The following PDCD2 variants were observed in gnomAD, a reference collection of about 807,000 sequenced individuals.
PDCD2 encodes the protein programmed cell death 2, also known as uS5 assembly chaperone PDCD2.
In PDCD2, 38 loss-of-function variants were observed where a neutral mutation model predicts 38.1. That is an observed-to-expected ratio of 1.00 (90% CI 0.77 to 1.31). The LOEUF is 1.31. PDCD2 is among the 50% of genes most tolerant of loss of function. The pLI is 0.00. For missense variants in PDCD2, 473 were observed against 435.7 expected, an observed-to-expected ratio of 1.09 and a Z score of -0.76; for synonymous variants, 205 against 168.9, an observed-to-expected ratio of 1.21 and a Z score of -1.66.
At position 170,583,634 on chromosome 6, in the gene PDCD2, G is replaced by C; in HGVS notation, c.397C>G (p.His133Asp). The C allele has an allele frequency of 6.2e-7, 1 of 1,614,074 alleles. No homozygotes were observed. The highest frequency in any genetic ancestry group is 8.5e-7 in the Non-Finnish European group (1 of 1,179,974). ...SVCLQLKSGA[H>D]LCRVCGCLGP... ...AAACAGCCACAAACCCTGCAGAGAT[G>C]AGCACCAGACTTAAGCTGGAGACAC... The change falls in exon 2 of 6, where the codon CAT becomes GAT. Residue 133 changes from histidine to aspartate, a missense_variant. Transcript: ENST00000541970.
chr6:170,579,126 G>C, intron 4 of PDCD2, 156 bp from the exon 5 acceptor site: 1 of 572,180 alleles, frequency 1.7e-6, no homozygotes, highest in South Asian at 2.4e-5. Flanking sequence ...CTGTACCAGT[G>C]TGCCACTAAT....
chr6:170,582,760 C>G (rs530253401), intron 3 of PDCD2: 3 of 1,272,136 alleles, frequency 2.4e-6, no homozygotes, highest in South Asian at 4.3e-5. Context: ...TATCCCGACC[C>G]GAGAAACCGA....
Position 170,580,046 on chromosome 6 carries a change from T to C in PDCD2, c.718A>G (p.Ile240Val), listed in dbSNP as rs1779551490. ...ATCTGAGTTTTAAACTTCTGAAAAATTTTATCTTCCCTGGATTCATGTTTT... is the reference window on the plus strand; with the variant it reads ...ATCTGAGTTTTAAACTTCTGAAAAACTTTATCTTCCCTGGATTCATGTTTT... ...MAKHESREDK[I>V]FQKFKTQIAL... is the part of the protein sequence containing the mutation. The change falls in exon 4 of 6, where the codon ATT (isoleucine) becomes GTT (valine). Residue 240 changes from isoleucine (I) to valine (V), a missense_variant. Physicochemically the swap from Ile to Val is conservative, Grantham distance 29. Transcript: ENST00000541970. The C allele has an allele frequency of 6.2e-7, 1 of 1,612,228 alleles. No individual in the cohort carries two copies. The highest frequency in any genetic ancestry group is 8.5e-7 in the Non-Finnish European group (1 of 1,178,516).
At position 170,580,622 on chromosome 6, in the gene PDCD2, GGA is replaced by G. The variant is rs1244690213; in HGVS notation, c.659-519_659-518del. 3.3e-5 allele frequency among the ~76,000 whole-genome samples: 5 copies of G among 152,306 alleles called. No homozygotes were observed. The East Asian group carries it at 9.7e-4, about 29-fold the overall frequency. Reference sequence around the variant, plus strand: ...CCCAGCTACTCGGGAGGCTGAGGCAGGAGAGTCACTTGAACCTGGGAGGCAGA... The same window carrying G: ...CCCAGCTACTCGGGAGGCTGAGGCAGGAGTCACTTGAACCTGGGAGGCAGA... On this transcript the variant is annotated intron_variant, in intron 3 of 5. Coordinates refer to ENST00000541970, the MANE Select transcript of PDCD2 (RefSeq NM_002598.4).
chr6:170,581,984 C>G lies in PDCD2; in HGVS notation c.658+1073G>C, dbSNP rs969323594. 3.5e-5 allele frequency: 26 copies of G among 750,702 alleles called. No individual in the cohort carries two copies. In the African/African-American group the frequency reaches 4.3e-4, roughly 12 times the overall value. 46.5% of individuals were successfully genotyped at this position (750,702 alleles called of 1,614,324 possible). Reference sequence around the variant, plus strand: ...AGTTCCACAGTCACATTTACACTAACAAGGCATATTTGAAGTCCAGCTTTC... The same window carrying G: ...AGTTCCACAGTCACATTTACACTAAGAAGGCATATTTGAAGTCCAGCTTTC... On this transcript the variant is annotated intron_variant, in intron 3 of 5. Coordinates refer to ENST00000541970, the MANE Select transcript of PDCD2 (RefSeq NM_002598.4).
rs1779551327 is a variant in PDCD2, at chr6:170,580,041, A to C, written c.723T>G (p.Phe241Leu). The part of the protein sequence containing the change: ...AKHESREDKI[F>L]QKFKTQIALE... The stretch of plus-strand genomic sequence containing the variant: ...GGGCTATCTGAGTTTTAAACTTCTG[A>C]AAAATTTTATCTTCCCTGGATTCAT... Residue 241 changes from phenylalanine (F) to leucine (L), a missense_variant, in exon 4 of 6, where the codon TTT becomes TTG. Transcript: ENST00000541970. 1 of 1,611,510 alleles carries C rather than the reference A, an allele frequency of 6.2e-7. No homozygotes were observed. Among genetic ancestry groups the C allele is most frequent in the Non-Finnish European group, 8.5e-7 (1 of 1,177,900 alleles).
chr6:170,577,904 C>G (rs1007495717), intron 5 of PDCD2, among the ~76,000 whole-genome samples, 187 bp from the exon 6 acceptor site: 2 of 152,174 alleles, frequency 1.3e-5, no homozygotes, highest in Non-Finnish European at 2.9e-5. Context: ...CCCCTCTCAC[C>G]TTCTGTTTGG....
At chr6:170,579,659 C>T (rs918866879) in intron 4 of PDCD2, 20 of 166,524 alleles carry the variant, frequency 1.2e-4, no homozygotes, top group Non-Finnish European at 2.4e-4. Context: ...CAAAAATAAC[C>T]TTTTTTCTTT....
Position 170,577,333 on chromosome 6 carries a change from GTTATAA to G in PDCD2, c.*220_*225del, listed in dbSNP as rs1237490726. ...TGGTATGTCTGTTGTCAATATAGGT[GTTATAA>G]TTAAGACTGTGTAGCCTTCCTCTGT... On this transcript the variant is annotated 3_prime_UTR_variant, in exon 6 of 6. Transcript: ENST00000541970. 8.5e-6 allele frequency: 4 copies of G among 468,746 alleles called. No individual in the cohort carries two copies. In the Admixed American group the frequency reaches 1.0e-4, roughly 12 times the overall value. 29.0% of individuals were successfully genotyped at this position (468,746 alleles called of 1,614,324 possible). A position where few individuals can be genotyped will look rare whatever the true frequency, so the allele number is the denominator to read the frequency against.
At chr6:170,581,954 C>CA in intron 3 of PDCD2, 2 of 537,594 alleles carry the variant, frequency 3.7e-6, no homozygotes, top group Non-Finnish European at 6.1e-6. Context: ...TTAAAATACT[C>CA]ATACAGTTCC....
chr6:170,583,570 T>C lies in PDCD2; in HGVS notation c.461A>G (p.Tyr154Cys). The change falls in exon 2 of 6, where the codon TAC becomes TGC. Residue 154 changes from tyrosine to cysteine, a missense_variant. Physicochemically the swap from Tyr to Cys is radical, Grantham distance 194 (BLOSUM62 -2). Coordinates refer to ENST00000541970, the MANE Select transcript of PDCD2 (RefSeq NM_002598.4). The stretch of plus-strand genomic sequence containing the variant: ...TAGGGTCTGATGCTCCTTGCTGCAG[T>C]AATATGCTTTGTGGCATCTGGAGCA... ...KTCSRCHKAY[Y>C]CSKEHQTLDW... 1 of 1,613,822 alleles carries C rather than the reference T, an allele frequency of 6.2e-7. No homozygotes were observed. The highest frequency in any genetic ancestry group is 8.5e-7 in the Non-Finnish European group (1 of 1,179,758).
At chr6:170,580,270 A>G (rs556178849) in intron 3 of PDCD2, among the ~76,000 whole-genome samples, 165 bp from the exon 4 acceptor site, 2 of 152,338 alleles carry the variant, frequency 1.3e-5, no homozygotes, top group Non-Finnish European at 2.9e-5. Context: ...ACTCTATTAT[A>G]TGGACTTCCA....
Position 170,576,283 on chromosome 6 carries a change from CAG to C in PDCD2, c.*1274_*1275del, listed in dbSNP as rs1457949093. 2.0e-5 allele frequency: 3 copies of C among 152,152 alleles called. No homozygotes were observed. The highest frequency in any genetic ancestry group is 4.8e-5 in the African/African-American group (2 of 41,416). The allele number at this position is 152,152 out of a possible 1,614,324, so 9.4% of individuals were successfully genotyped here. ...ACTTATATAATATGGACTACTAGGA[CAG>C]AACTTTTTAAATTACAAATAAAATA... On this transcript the variant is annotated 3_prime_UTR_variant, in exon 6 of 6. Coordinates refer to ENST00000541970, the MANE Select transcript of PDCD2 (RefSeq NM_002598.4).
chr6:170,581,412 C>T (rs1321062643), intron 3 of PDCD2: 1 of 152,056 alleles, frequency 6.6e-6, no homozygotes, highest in East Asian at 1.9e-4. Context: ...ATATCTGATG[C>T]AGTTAGCGTC....
chr6:170,584,586 G>A lies in PDCD2; in HGVS notation c.-5C>T. ...CCTGGCCCCGGCGGCAGCCATGCGG[G>A]GCGCGGGCTGGCGTGGGGCGCAGCC... is the stretch of plus-strand genomic sequence containing the variant. On this transcript the variant is annotated 5_prime_UTR_variant, in exon 1 of 6. Transcript: ENST00000541970. 2.4e-6 allele frequency: 3 copies of A among 1,259,968 alleles called. No homozygotes were observed. Among genetic ancestry groups the A allele is most frequent in the Non-Finnish European group, 3.0e-6 (3 of 1,003,474 alleles). The allele number at this position is 1,259,968 out of a possible 1,614,324, so 78.0% of individuals were successfully genotyped here. A position where few individuals can be genotyped will look rare whatever the true frequency, so the allele number is the denominator to read the frequency against.
chr6:170,577,473 A>G lies in PDCD2; in HGVS notation c.*86T>C, dbSNP rs545142207. On this transcript the variant is annotated 3_prime_UTR_variant, in exon 6 of 6. Transcript: ENST00000541970. ...ACATCTCTGCACCTCTATTTTTGGT[A>G]TAAGTATTTCCTTAGGATAAAATCC... The G allele has an allele frequency of 2.4e-5, 27 of 1,144,356 alleles. No homozygotes were observed. The highest frequency in any genetic ancestry group is 3.3e-5 in the Non-Finnish European group (26 of 797,478). The allele number at this position is 1,144,356 out of a possible 1,614,324, so 70.9% of individuals were successfully genotyped here.
In PDCD2 at chr6:170,584,390, C is replaced by T; in HGVS notation, c.192G>A (p.Val64=). 2 of 1,461,820 alleles carry T rather than the reference C, an allele frequency of 1.4e-6. No individual in the cohort carries two copies. Among genetic ancestry groups the T allele is most frequent in the Non-Finnish European group, 1.8e-6 (2 of 1,111,748 alleles). 90.6% of individuals were successfully genotyped at this position (1,461,820 alleles called of 1,614,324 possible). Residue 64 remains valine (V), a synonymous_variant, in exon 1 of 6, where the codon GTG becomes GTA. Transcript: ENST00000541970. ...CCGGGCGGCCAGGCAGCGGCGCATACACCTGCAGCAGGAAGGAGAGCGGGC... is the reference window on the plus strand; with the variant it reads ...CCGGGCGGCCAGGCAGCGGCGCATATACCTGCAGCAGGAAGGAGAGCGGGC... ...CGRPLSFLLQ[V]YAPLPGRPDA...
In PDCD2 at chr6:170,577,456, G is replaced by T; in HGVS notation, c.*103C>A. On this transcript the variant is annotated 3_prime_UTR_variant, in exon 6 of 6. Coordinates refer to ENST00000541970, the MANE Select transcript of PDCD2 (RefSeq NM_002598.4). ...GTGTAAGCAATCTGTCAACATCTCTGCACCTCTATTTTTGGTATAAGTATT... is the reference window on the plus strand; with the variant it reads ...GTGTAAGCAATCTGTCAACATCTCTTCACCTCTATTTTTGGTATAAGTATT... 2 of 946,882 alleles carry T rather than the reference G, an allele frequency of 2.1e-6. No homozygotes were observed. The highest frequency in any genetic ancestry group is 3.2e-6 in the Non-Finnish European group (2 of 628,246). The allele number at this position is 946,882 out of a possible 1,614,324, so 58.7% of individuals were successfully genotyped here.
intron 5 of PDCD2, 190 bp downstream of exon 5, chr6:170,578,666 AG>A (rs1391479575): frequency 1.4e-6 from 1 of 704,222 alleles, no homozygotes; most frequent in Non-Finnish European, 2.6e-6. Flanking sequence ...ACTAGGAAAC[AG>A]AAAAAAACAA....
Sources: gnomAD v4.1 joint callset for allele counts (sites outside exome capture counted in the v4.1 genomes callset) on GRCh38, gnomAD v4.1.1 for gene constraint, MANE v1.5 for transcripts, NCBI Gene and HGNC (gene_info 2026-07-23, HGNC 2026-07-21) for gene names.